SESN2: variants seen among roughly 807,000 people sequenced by gnomAD.
SESN2 encodes the protein sestrin-2.
A neutral mutation model predicts 56.0 loss-of-function variants in SESN2; 42 were observed. The observed-to-expected ratio is 0.75, with a 90% confidence interval of 0.59 to 0.97. SESN2 has a LOEUF of 0.97. Among genes scored for constraint, SESN2 ranks in the 50% least tolerant of loss-of-function variants. The pLI is 0.00. For missense variants in SESN2, 507 were observed against 649.4 expected (o/e 0.78, Z 2.38); for synonymous variants, 264 against 267.1 (o/e 0.99, Z 0.11).
At chr1:28,266,205 T>C (rs1355352168) in intron 1 of SESN2, among the ~76,000 whole-genome samples, 1 of 152,226 alleles carries the variant, frequency 6.6e-6, no homozygotes, top group African/African-American at 2.4e-5. Context: ...CTGGCTGTTA[T>C]GCTGGGGCCC....
At chr1:28,275,217 A>G (rs1647988855) in intron 8 of SESN2, among the ~76,000 whole-genome samples, 3 of 152,146 alleles carry the variant, frequency 2.0e-5, no homozygotes, top group Admixed American at 2.0e-4. Context: ...GCACTCCCAG[A>G]GATAATTATT....
At chr1:28,275,252 TACAC>T (rs551938263) in intron 8 of SESN2, among the ~76,000 whole-genome samples, 3 of 151,812 alleles carry the variant, frequency 2.0e-5, no homozygotes, top group Admixed American at 6.6e-5. Context: ...TACATATATA[TACAC>T]ACACACACAT....
Position 28,272,379 on chromosome 1 carries a change from C to G in SESN2, c.450C>G (p.His150Gln). The G allele has an allele frequency of 6.2e-7, 1 of 1,613,804 alleles. No individual in the cohort carries two copies. Among genetic ancestry groups the G allele is most frequent in the Non-Finnish European group, 8.5e-7 (1 of 1,180,014 alleles). Reference sequence around the variant, plus strand: ...ACCCTGAGTGGCTGCTGGGCCTCCACCGGGCCCCCGAGAAGCTGCGCAAAC... The same window carrying G: ...ACCCTGAGTGGCTGCTGGGCCTCCAGCGGGCCCCCGAGAAGCTGCGCAAAC... ...GGDPEWLLGLHRAPEKLRKLS... is the reference protein window; with the variant it reads ...GGDPEWLLGLQRAPEKLRKLS... Residue 150 changes from histidine to glutamine, a missense_variant, in exon 4 of 10, where the codon CAC becomes CAG. Coordinates refer to ENST00000253063, the MANE Select transcript of SESN2 (RefSeq NM_031459.5).
At position 28,259,924 on chromosome 1, in the gene SESN2, C is replaced by G; in HGVS notation, c.77C>G (p.Ser26Trp). Residue 26 changes from serine to tryptophan, a missense_variant, in exon 1 of 10, where the codon TCG (serine) becomes TGG (tryptophan). Physicochemically the swap from Ser to Trp is radical, Grantham distance 177 (BLOSUM62 -3). Transcript: ENST00000253063. ...TTCGCCCCGGGCGGCGTCGGCGACT[C>G]GGGCCCCGGAGAGGTAAGCGGCGGC... ...LRFAPGGVGD[S>W]GPGEEQRESR... The G allele has an allele frequency of 4.7e-6, 7 of 1,483,534 alleles. No homozygotes were observed. The highest frequency in any genetic ancestry group is 6.2e-6 in the Non-Finnish European group (7 of 1,122,866). The allele number at this position is 1,483,534 out of a possible 1,614,324, so 91.9% of individuals were successfully genotyped here. A position where few individuals can be genotyped will look rare whatever the true frequency, so the allele number is the denominator to read the frequency against.
chr1:28,272,001 T>A (rs1647796035), intron 3 of SESN2, 130 bp downstream of exon 3: 2 of 967,872 alleles, frequency 2.1e-6, no homozygotes, highest in Non-Finnish European at 1.5e-6. Flanking sequence ...TATCTAACTG[T>A]AGAGTTTTGG....
chr1:28,274,231 G>A, intron 7 of SESN2, 73 bp downstream of exon 7: 1 of 1,003,018 alleles, frequency 1.0e-6, no homozygotes, highest in Non-Finnish European at 1.6e-6. Context: ...AGTTTGAGTA[G>A]TTACAGAGTT....
intron 9 of SESN2, among the ~76,000 whole-genome samples, chr1:28,279,950 C>T (rs1648176768): frequency 6.6e-6 from 1 of 152,022 alleles, no homozygotes; most frequent in Non-Finnish European, 1.5e-5. Flanking sequence ...ACTTCCTAGG[C>T]TCAAGTGTCC....
In SESN2 at chr1:28,275,866, CA is replaced by C. The variant is rs75784598; in HGVS notation, c.1211+853del. 1.7e-3 allele frequency among the ~76,000 whole-genome samples: 264 copies of C among 152,146 alleles called. 9 individuals carry two copies. The East Asian group carries it at 0.049, about 28-fold the overall frequency. On this transcript the variant is annotated intron_variant, in intron 8 of 9. Transcript: ENST00000253063. ...ACCAGGAGTTCAAGACGAGCTTGGG[CA>C]ACATAGTGAGACCCCCATCTCTACA...
At position 28,269,264 on chromosome 1, in the gene SESN2, G is replaced by A. The variant is rs761518584; in HGVS notation, c.156+16G>A. The A allele has an allele frequency of 5.0e-6, 8 of 1,596,836 alleles. No homozygotes were observed. The highest frequency in any genetic ancestry group is 6.0e-6 in the Non-Finnish European group (7 of 1,168,054). On this transcript the variant is annotated intron_variant, in intron 2 of 9. Coordinates refer to ENST00000253063, the MANE Select transcript of SESN2 (RefSeq NM_031459.5). ...CGTGGAGGAGGTAAGCTTGGAAGGG[G>A]TTAGGGATCTTTGGTCCCTGGGAAG...
intron 9 of SESN2, among the ~76,000 whole-genome samples, chr1:28,279,782 T>C (rs1648170864): frequency 6.6e-6 from 1 of 152,068 alleles, no homozygotes; most frequent in South Asian, 2.1e-4. Flanking sequence ...GACCTTGTGA[T>C]CCACCTGTCT....
chr1:28,276,782 T>TTGG (rs1169363645), intron 8 of SESN2, among the ~76,000 whole-genome samples: 2 of 151,506 alleles, frequency 1.3e-5, no homozygotes, highest in Non-Finnish European at 2.9e-5. Flanking sequence ...TTTCTCCATG[T>TTGG]TGGCCAGGCT....
At chr1:28,269,613 TA>T (rs1164394277) in intron 2 of SESN2, among the ~76,000 whole-genome samples, 7 of 152,232 alleles carry the variant, frequency 4.6e-5, no homozygotes, top group Admixed American at 3.9e-4. Flanking sequence ...AAAAGTAATA[TA>T]TGTTTATTAT....
intron 2 of SESN2, among the ~76,000 whole-genome samples, chr1:28,270,645 C>T (rs1023785410): frequency 5.9e-5 from 9 of 151,852 alleles, no homozygotes; most frequent in African/African-American, 2.2e-4. Context: ...GATCTTGGCT[C>T]ACCGCAACCT....
intron 8 of SESN2, among the ~76,000 whole-genome samples, chr1:28,278,599 T>TA (rs920515005): frequency 8.5e-5 from 13 of 152,110 alleles, no homozygotes; most frequent in Non-Finnish European, 1.6e-4. Flanking sequence ...GAAATTAATG[T>TA]AAAAAAATGT....
intron 8 of SESN2, among the ~76,000 whole-genome samples, chr1:28,275,247 A>C (rs1158983540): frequency 6.6e-6 from 1 of 152,086 alleles, no homozygotes; most frequent in African/African-American, 2.4e-5. Context: ...TTATGTACAT[A>C]TATATACACA....
chr1:28,261,226 A>G lies in SESN2; in HGVS notation c.90+1289A>G, dbSNP rs549066712. On this transcript the variant is annotated intron_variant, in intron 1 of 9. Coordinates refer to ENST00000253063, the MANE Select transcript of SESN2 (RefSeq NM_031459.5). The stretch of plus-strand genomic sequence containing the variant: ...TATAGTTTGTGCCCTGGTTTTTGTT[A>G]GCTTGCTTACCCTTCTCTGCCGTGA... Among the ~76,000 whole-genome samples the G allele has an allele frequency of 3.3e-5, 5 of 152,198 alleles. No individual in the cohort carries two copies. In the South Asian group the frequency reaches 1.0e-3, roughly 32 times the overall value.
intron 8 of SESN2, among the ~76,000 whole-genome samples, chr1:28,276,692 G>T (rs1458145328): frequency 7.8e-6 from 1 of 128,320 alleles, no homozygotes; most frequent in South Asian, 2.7e-4. Flanking sequence ...GGATTCTCCC[G>T]CCTCAGCCGT....
chr1:28,280,417 A>T (rs1648191896), intron 9 of SESN2, among the ~76,000 whole-genome samples: 1 of 152,230 alleles, frequency 6.6e-6, no homozygotes, highest in African/African-American at 2.4e-5. Context: ...TATGTTGGCC[A>T]GGCTGGTCTC....
Position 28,272,463 on chromosome 1 carries a change from C to G in SESN2, c.534C>G (p.Ile178Met). Residue 178 changes from isoleucine to methionine, a missense_variant, in exon 4 of 10, where the codon ATC (isoleucine) becomes ATG (methionine). By Grantham distance (10) the Ile-to-Met change is conservative. Coordinates refer to ENST00000253063, the MANE Select transcript of SESN2 (RefSeq NM_031459.5). Reference protein sequence around the residue: ...HRPWLITKEHIQALLKTGEHT... With the variant: ...HRPWLITKEHMQALLKTGEHT... ...CATGGCTCATCACCAAGGAACACATCCAGGTGCAGGGGGCAGAGAGGCGGG... is the reference window on the plus strand; with the variant it reads ...CATGGCTCATCACCAAGGAACACATGCAGGTGCAGGGGGCAGAGAGGCGGG... 1.2e-6 allele frequency: 2 copies of G among 1,612,870 alleles called. No homozygotes were observed. Among genetic ancestry groups the G allele is most frequent in the African/African-American group, 1.3e-5 (1 of 75,036 alleles).
Sources: allele counts gnomAD v4.1 joint callset (sites outside exome capture counted in the v4.1 genomes callset), GRCh38; gene constraint gnomAD v4.1.1; transcripts MANE v1.5; gene names NCBI Gene and HGNC (gene_info 2026-07-23, HGNC 2026-07-21).